CAST: variants seen among roughly 807,000 people sequenced by gnomAD.
CAST encodes MIR583 host.
A neutral mutation model predicts 119.6 loss-of-function variants in CAST; 76 were observed. The observed-to-expected ratio is 0.64, with a 90% CI of 0.53 to 0.77. CAST has a LOEUF of 0.77. Ranked by LOEUF, CAST falls within the 30% of genes least tolerant of loss-of-function variation. The pLI, the probability that CAST is intolerant of heterozygous loss-of-function variation, is 0.00. For missense variants in CAST, 953 were observed against 946.5 expected, an observed-to-expected ratio of 1.01 and a Z score of -0.09; for synonymous variants, 319 against 331.6, an observed-to-expected ratio of 0.96 and a Z score of 0.41.
At chr5:96,083,387 A>G in the CAST span, among the ~76,000 whole-genome samples, 1 of 152,166 alleles carries the variant, frequency 6.6e-6, no homozygotes, top group Non-Finnish European at 1.5e-5. Flanking sequence ...ATCCATACCC[A>G]TAGTCAGGGT....
chr5:96,008,512 G>GT, the CAST span, among the ~76,000 whole-genome samples: 2 of 151,558 alleles, frequency 1.3e-5, no homozygotes, highest in East Asian at 3.9e-4. Context: ...ACAATGCTCT[G>GT]TTTTTTTTAG....
chr5:96,136,885 T>G, the CAST span, among the ~76,000 whole-genome samples: 1 of 152,134 alleles, frequency 6.6e-6, no homozygotes, highest in Admixed American at 6.5e-5. Flanking sequence ...TTTATGACAG[T>G]TTTTTTGCCT....
intron 1 of CAST, among the ~76,000 whole-genome samples, chr5:96,603,272 A>G (rs560740653): frequency 6.6e-6 from 1 of 152,348 alleles, no homozygotes; most frequent in South Asian, 2.1e-4. Flanking sequence ...AGAGAGGACA[A>G]ATGTTTTAAA....
At chr5:95,971,879 G>C in the CAST span, among the ~76,000 whole-genome samples, 1 of 151,892 alleles carries the variant, frequency 6.6e-6, no homozygotes, top group East Asian at 1.9e-4. Flanking sequence ...CCCAATTTTG[G>C]GTGATTGTAA....
chr5:96,056,656 T>TA, the CAST span, among the ~76,000 whole-genome samples: 2 of 152,150 alleles, frequency 1.3e-5, no homozygotes, highest in Non-Finnish European at 2.9e-5. Flanking sequence ...GGAATGACAG[T>TA]AGCAGCATTT....
At chr5:96,088,625 A>G in the CAST span, among the ~76,000 whole-genome samples, 2 of 152,142 alleles carry the variant, frequency 1.3e-5, no homozygotes, top group Non-Finnish European at 2.9e-5. Context: ...CACTCTAGAA[A>G]GTTTTTATAT....
At chr5:96,526,749 A>C (rs1002008559), upstream of CAST, among the ~76,000 whole-genome samples, 1 of 152,214 alleles carries the variant, frequency 6.6e-6, no homozygotes, top group African/African-American at 2.4e-5. Flanking sequence ...TAACACTTGT[A>C]AGCCAAAGTG....
intron 1 of CAST, among the ~76,000 whole-genome samples, chr5:96,648,717 C>CGTGTGTGTGTGTGTGTGT (rs72068689): frequency 6.0e-5 from 9 of 148,810 alleles, no homozygotes; most frequent in African/African-American, 2.2e-4. Flanking sequence ...TATATATATG[C>CGTGTGTGTGTGTGTGTGT]GTGTGTGTGT....
chr5:96,181,697 A>G, the CAST span, among the ~76,000 whole-genome samples: 13 of 152,122 alleles, frequency 8.5e-5, no homozygotes, highest in Non-Finnish European at 1.8e-4. Context: ...TATTTGGTTT[A>G]TGGTTATTTC....
At chr5:96,462,056 C>T in the CAST span, among the ~76,000 whole-genome samples, 1 of 152,116 alleles carries the variant, frequency 6.6e-6, no homozygotes, top group African/African-American at 2.4e-5. Context: ...ATCAAGGAAT[C>T]TGGATGCCAG....
At chr5:96,354,838 TTTTATTTA>T in the CAST span, among the ~76,000 whole-genome samples, 1 of 150,834 alleles carries the variant, frequency 6.6e-6, no homozygotes, top group Non-Finnish European at 1.5e-5. Context: ...TCTAGTATGC[TTTTATTTA>T]TTTATTTATT....
At chr5:96,161,939 C>T in the CAST span, among the ~76,000 whole-genome samples, 5 of 151,972 alleles carry the variant, frequency 3.3e-5, no homozygotes, top group Non-Finnish European at 5.9e-5. Context: ...GATAGAAATA[C>T]GATTGATTTT....
chr5:96,226,559 AG>A, the CAST span, among the ~76,000 whole-genome samples: 1 of 152,262 alleles, frequency 6.6e-6, no homozygotes, highest in African/African-American at 2.4e-5. Context: ...CAGGAGGCTG[AG>A]GTGGGAGGAT....
chr5:96,774,012 C>T lies in CAST; in HGVS notation c.*1396C>T, dbSNP rs1773384612. ...CACATACCTATGGGATTTTACACAC[C>T]ACCAGCTTAAAATGCTATGTCTCTA... On this transcript the variant is annotated 3_prime_UTR_variant, in exon 32 of 32. Coordinates refer to ENST00000675179, the MANE Select transcript of CAST (RefSeq NM_001750.7). 1 of 152,308 alleles carries T rather than the reference C, an allele frequency of 6.6e-6. No individual in the cohort carries two copies. The highest frequency in any genetic ancestry group is 1.5e-5 in the Non-Finnish European group (1 of 68,018). The allele number at this position is 152,308 out of a possible 1,614,324, so 9.4% of individuals were successfully genotyped here. A position where few individuals can be genotyped will look rare whatever the true frequency, so the allele number is the denominator to read the frequency against.
At chr5:96,277,842 A>C in the CAST span, among the ~76,000 whole-genome samples, 1 of 152,288 alleles carries the variant, frequency 6.6e-6, no homozygotes, top group East Asian at 1.9e-4. Flanking sequence ...ACATTTAAAA[A>C]AATTGTATGT....
Position 96,770,612 on chromosome 5 carries a change from G to A in CAST, c.2340+10G>A. On this transcript the variant is annotated intron_variant, in intron 30 of 31. Coordinates refer to ENST00000675179, the MANE Select transcript of CAST (RefSeq NM_001750.7). ...GAAGGATTCAGCAAAGGTAAATGGAGCAGTAAATATACTACAAATTAGTTT... is the reference window on the plus strand; with the variant it reads ...GAAGGATTCAGCAAAGGTAAATGGAACAGTAAATATACTACAAATTAGTTT... 6.3e-7 allele frequency: 1 copy of A among 1,583,488 alleles called. No homozygotes were observed. Among genetic ancestry groups the A allele is most frequent in the Non-Finnish European group, 8.7e-7 (1 of 1,152,704 alleles).
chr5:96,326,264 A>C, the CAST span, among the ~76,000 whole-genome samples: 1 of 151,956 alleles, frequency 6.6e-6, no homozygotes. Context: ...CTCCCTTCTG[A>C]TTTCAATGGC....
intron 1 of CAST, among the ~76,000 whole-genome samples, chr5:96,543,384 C>CT (rs2150180396): frequency 6.6e-6 from 1 of 151,784 alleles, no homozygotes; most frequent in African/African-American, 2.4e-5. Context: ...GCCTGTGGGG[C>CT]TTGGGGGGCA....
At chr5:96,164,255 A>G in the CAST span, among the ~76,000 whole-genome samples, 2 of 152,274 alleles carry the variant, frequency 1.3e-5, no homozygotes, top group African/African-American at 4.8e-5. Flanking sequence ...TAGAAAGAAT[A>G]AAAGCAAATA....
Sources: gnomAD v4.1 joint callset for allele counts (sites outside exome capture counted in the v4.1 genomes callset) on GRCh38, gnomAD v4.1.1 for gene constraint, MANE v1.5 for transcripts, NCBI Gene and HGNC (gene_info 2026-07-23, HGNC 2026-07-21) for gene names.